NTRK1: variants seen among roughly 807,000 people sequenced by gnomAD.
The protein encoded by NTRK1 is neurotrophic receptor tyrosine kinase 1.
NTRK1 carries 62 observed loss-of-function variants against 86.8 expected under a neutral mutation model. The ratio of observed to expected loss-of-function variants is 0.71; its 90% CI spans 0.58 to 0.88. The LOEUF is 0.88. Among genes scored for constraint, NTRK1 ranks in the 40% least tolerant of loss-of-function variants. The pLI is 0.00. For synonymous variants in NTRK1, 469 were observed against 456.6 expected (o/e 1.03, Z -0.35); for missense variants, 967 against 1,078.4 (o/e 0.90, Z 1.45).
In NTRK1 at chr1:156,875,029, G is replaced by A. The variant is rs988312880; in HGVS notation, c.1354+21G>A. On this transcript the variant is annotated intron_variant, in intron 11 of 16. Transcript: ENST00000524377. ...CAACCGTGAGTCGGGGCTGCAGAGG[G>A]CTGTCTGTCTGTCTGTTCTCCTGGC... The A allele has an allele frequency of 3.2e-6, 5 of 1,539,428 alleles. No individual in the cohort carries two copies. In the African/African-American group the frequency reaches 6.8e-5, roughly 21 times the overall value.
rs866853678 is a variant in NTRK1, at chr1:156,846,840, T to C, written c.50+4647T>C. The C allele has an allele frequency of 1.9e-5, 21 of 1,127,082 alleles. No homozygotes were observed. The Middle Eastern group carries it at 1.2e-3, about 66-fold the overall frequency. 69.8% of individuals were successfully genotyped at this position (1,127,082 alleles called of 1,614,324 possible). A position where few individuals can be genotyped will look rare whatever the true frequency, so the allele number is the denominator to read the frequency against. ...CCCCCGCTCTGAATCACCCCAGGAC[T>C]GTCATTGTCCTTCCAGTATGCATGA... On this transcript the variant is annotated intron_variant, in intron 2 of 16. Coordinates refer to the NTRK1 transcript ENST00000392302.
At chr1:156,821,314 A>G (rs892877645) in intron 1 of NTRK1, among the ~76,000 whole-genome samples, 6 of 152,098 alleles carry the variant, frequency 3.9e-5, no homozygotes, top group Non-Finnish European at 7.4e-5. Context: ...TTGATTTCCA[A>G]TTTGGATGCC....
intron 5 of NTRK1, 42 bp from the exon 6 acceptor site, chr1:156,868,463 A>T: frequency 6.4e-7 from 1 of 1,551,258 alleles, no homozygotes; most frequent in Non-Finnish European, 8.7e-7. Flanking sequence ...GGCCACTCCC[A>T]GCTCTAACAC....
chr1:156,840,429 G>GCCCCCCCCCCCCCC (rs369914973), intron 1 of NTRK1: 1 of 158,436 alleles, frequency 6.3e-6, no homozygotes, highest in Non-Finnish European at 1.4e-5. Context: ...GTCATGTGGA[G>GCCCCCCCCCCCCCC]CCCCACCCCC....
intron 2 of NTRK1, among the ~76,000 whole-genome samples, chr1:156,850,553 T>C (rs1444852205): frequency 4.9e-5 from 6 of 121,940 alleles, no homozygotes; most frequent in African/African-American, 2.0e-4. Context: ...TTTTTTTTTT[T>C]TTTTTTTTTT....
chr1:156,828,418 A>AT (rs1654379898), intron 1 of NTRK1, among the ~76,000 whole-genome samples: 1 of 152,148 alleles, frequency 6.6e-6, no homozygotes, highest in African/African-American at 2.4e-5. Flanking sequence ...GGAAAAAAAA[A>AT]GCAAAGAAAG....
At chr1:156,841,788 C>G in intron 1 of NTRK1, 1 of 1,614,154 alleles carries the variant, frequency 6.2e-7, no homozygotes, top group East Asian at 2.2e-5. Flanking sequence ...CCGAGTCATC[C>G]CGAAGTCTGG....
intron 14 of NTRK1, among the ~76,000 whole-genome samples, chr1:156,877,543 C>A (rs186613757): frequency 3.7e-3 from 568 of 152,368 alleles, no homozygotes; most frequent in Non-Finnish European, 5.8e-3. Context: ...TCGGTCTAGT[C>A]CTTCTCTGAT....
At chr1:156,822,900 C>A (rs1181480312) in intron 1 of NTRK1, among the ~76,000 whole-genome samples, 1 of 152,178 alleles carries the variant, frequency 6.6e-6, no homozygotes, top group Non-Finnish European at 1.5e-5. Flanking sequence ...AAGACATTCT[C>A]CTCCCTGACT....
intron 6 of NTRK1, among the ~76,000 whole-genome samples, chr1:156,870,768 A>C (rs1317593595): frequency 6.6e-6 from 1 of 152,222 alleles, no homozygotes; most frequent in Non-Finnish European, 1.5e-5. Context: ...GTCAGAAGAT[A>C]ATTTGTCCAC....
intron 7 of NTRK1, among the ~76,000 whole-genome samples, chr1:156,873,018 A>AGTGTGTGTGT (rs55870362): frequency 0.043 from 5,569 of 130,926 alleles, 163 homozygotes; most frequent in East Asian, 0.074. Flanking sequence ...TTTCAAAAAG[A>AGTGTGTGTGT]GTGTGTGTGT....
At chr1:156,827,411 C>T (rs960857314) in intron 1 of NTRK1, among the ~76,000 whole-genome samples, 7 of 151,886 alleles carry the variant, frequency 4.6e-5, no homozygotes, top group Admixed American at 1.3e-4. Context: ...TACAGGCGTG[C>T]GCCACCATGC....
intron 1 of NTRK1, among the ~76,000 whole-genome samples, chr1:156,817,959 C>T (rs1024413422): frequency 1.3e-5 from 2 of 152,140 alleles, no homozygotes; most frequent in Non-Finnish European, 2.9e-5. Context: ...ATGTCTTAAA[C>T]TTTCAATGTG....
Position 156,871,607 on chromosome 1 carries a change from C to A in NTRK1, c.718-16C>A. ...CTAAAGCTCCTTCTTATTCCCCCCT[C>A]TCTTTCCTGATCTAGAAATCTGGGG... is the stretch of plus-strand genomic sequence containing the variant. On this transcript the variant is annotated splice_polypyrimidine_tract_variant and intron_variant, in intron 6 of 16. Transcript: ENST00000524377. 6.2e-7 allele frequency: 1 copy of A among 1,614,086 alleles called. No individual in the cohort carries two copies. The highest frequency in any genetic ancestry group is 8.5e-7 in the Non-Finnish European group (1 of 1,179,994).
intron 1 of NTRK1, among the ~76,000 whole-genome samples, chr1:156,839,110 G>A (rs534618841): frequency 2.6e-5 from 4 of 152,382 alleles, no homozygotes; most frequent in African/African-American, 9.6e-5. Context: ...GCAGGGCAGG[G>A]GAGGGGTGGG....
intron 1 of NTRK1, among the ~76,000 whole-genome samples, chr1:156,863,391 G>C (rs377471532): frequency 6.6e-6 from 1 of 151,498 alleles, no homozygotes; most frequent in African/African-American, 2.4e-5. Context: ...CACCCTCCTC[G>C]TTGAGCCTTT....
At chr1:156,834,601 C>G (rs972605456) in intron 1 of NTRK1, among the ~76,000 whole-genome samples, 1 of 152,116 alleles carries the variant, frequency 6.6e-6, no homozygotes, top group Non-Finnish European at 1.5e-5. Context: ...ATGCTGCCCT[C>G]TCTAAAGTAG....
chr1:156,844,303 G>A (rs146924588), intron 2 of NTRK1: 1 of 1,596,714 alleles, frequency 6.3e-7, no homozygotes, highest in African/African-American at 1.3e-5. Flanking sequence ...GGGCAGCAGA[G>A]GGTAGAGTCA....
chr1:156,870,550 C>A lies in NTRK1; in HGVS notation c.718-1073C>A, dbSNP rs1391958050. On this transcript the variant is annotated intron_variant, in intron 6 of 16. Coordinates refer to ENST00000524377, the MANE Select transcript of NTRK1 (RefSeq NM_002529.4). The stretch of plus-strand genomic sequence containing the variant: ...GGAAGCAGAGGGCAGGGCAGGGCTT[C>A]CCCTCGAAGTGGCTGGAACCCAGAG... Among the ~76,000 whole-genome samples the A allele has an allele frequency of 2.6e-5, 4 of 152,282 alleles. No homozygotes were observed. In the East Asian group the frequency reaches 7.7e-4, roughly 29 times the overall value.
Sources: gnomAD v4.1 joint callset for allele counts (sites outside exome capture counted in the v4.1 genomes callset) on GRCh38, gnomAD v4.1.1 for gene constraint, MANE v1.5 for transcripts, NCBI Gene and HGNC (gene_info 2026-07-23, HGNC 2026-07-21) for gene names.